Variants in NLGN1 observed in about 807,000 individuals in gnomAD.
NLGN1 encodes neuroligin 1.
In NLGN1, 12 loss-of-function variants were observed where a neutral mutation model predicts 65.5. That is an observed-to-expected ratio of 0.18 (90% CI 0.12 to 0.30). NLGN1 has a LOEUF of 0.30. Ranked by LOEUF, NLGN1 falls within the 10% of genes least tolerant of loss-of-function variation. NLGN1 has a pLI of 1.00. For synonymous variants in NLGN1, 350 were observed against 359.5 expected, an observed-to-expected ratio of 0.97 and a Z score of 0.30; for missense variants, 750 against 1,007.1, an observed-to-expected ratio of 0.74 and a Z score of 3.46.
In NLGN1 at chr3:173,935,593, T is replaced by TACACACAC. The variant is rs769538665; in HGVS notation, c.646+127784_646+127791dup. Among the ~76,000 whole-genome samples, 168 of 142,792 alleles carry TACACACAC rather than the reference T, an allele frequency of 1.2e-3. 1 individual carries two copies. The highest frequency in any genetic ancestry group is 1.8e-3 in the South Asian group (8 of 4,430). 93.7% of individuals were successfully genotyped at this position (142,792 alleles called of 152,430 possible). ...CCATTTGTCATGAGAATATACAGTCTACACACACACACACACACACACACA... is the reference window on the plus strand; with the variant it reads ...CCATTTGTCATGAGAATATACAGTCTACACACACACACACACACACACACACACACACA... On this transcript the variant is annotated intron_variant, in intron 4 of 6. Transcript: ENST00000457714.
At chr3:174,172,052 G>A (rs1056857018) in intron 4 of NLGN1, among the ~76,000 whole-genome samples, 2 of 151,944 alleles carry the variant, frequency 1.3e-5, no homozygotes, top group Non-Finnish European at 2.9e-5. Flanking sequence ...TTTTGTTCAA[G>A]GTTTTCTCTA....
chr3:173,871,017 T>C lies in NLGN1; in HGVS notation c.646+63185T>C, dbSNP rs78887418. On this transcript the variant is annotated intron_variant, in intron 4 of 6. Coordinates refer to ENST00000457714, the Ensembl canonical transcript of NLGN1. Reference sequence around the variant, plus strand: ...CAAGCCATAATTAAGAGCTTGAAACTTTCAGCCCCACTATCCGATTCTCCA... The same window carrying C: ...CAAGCCATAATTAAGAGCTTGAAACCTTCAGCCCCACTATCCGATTCTCCA... 4.3e-3 allele frequency among the ~76,000 whole-genome samples: 653 copies of C among 152,292 alleles called. 7 individuals are homozygous for C. The highest frequency in any genetic ancestry group is 7.5e-3 in the Non-Finnish European group (513 of 68,026).
chr3:173,649,613 A>T (rs1008390566), intron 3 of NLGN1, among the ~76,000 whole-genome samples: 1 of 152,210 alleles, frequency 6.6e-6, no homozygotes, highest in East Asian at 1.9e-4. Context: ...CACCGTGAAA[A>T]CTAGTTCCTA....
intron 3 of NLGN1, among the ~76,000 whole-genome samples, chr3:173,618,585 T>C (rs1201706770): frequency 2.6e-5 from 4 of 152,126 alleles, no homozygotes; most frequent in Non-Finnish European, 5.9e-5. Flanking sequence ...AGTGAGACTA[T>C]ATTATATATT....
intron 4 of NLGN1, among the ~76,000 whole-genome samples, chr3:173,860,314 CATAT>C (rs1728813109): frequency 6.6e-6 from 1 of 151,952 alleles, no homozygotes; most frequent in South Asian, 2.1e-4. Flanking sequence ...TTATTTGACC[CATAT>C]ATTATTTAAA....
At chr3:173,814,924 T>A (rs76341235) in intron 4 of NLGN1, among the ~76,000 whole-genome samples, 5,735 of 152,242 alleles carry the variant, frequency 0.038, 265 homozygotes, top group East Asian at 0.18. Context: ...GCTACTTTAT[T>A]TTAGAAACAC....
intron 2 of NLGN1, among the ~76,000 whole-genome samples, chr3:173,460,518 C>G (rs985040999): frequency 2.6e-5 from 4 of 152,092 alleles, no homozygotes; most frequent in Admixed American, 2.0e-4. Context: ...CATCTAAGTA[C>G]TGTCACAGAG....
intron 2 of NLGN1, among the ~76,000 whole-genome samples, chr3:173,593,802 G>C (rs187303569): frequency 6.6e-6 from 1 of 152,190 alleles, no homozygotes; most frequent in Admixed American, 6.5e-5. Context: ...GTTCCACATG[G>C]CTAGGAAGGC....
At chr3:173,614,029 TAAA>T (rs5854520) in intron 3 of NLGN1, among the ~76,000 whole-genome samples, 7 of 137,526 alleles carry the variant, frequency 5.1e-5, no homozygotes, top group Non-Finnish European at 4.7e-5. Flanking sequence ...TTATTCCACT[TAAA>T]AAAAAAAAAA....
chr3:173,643,039 A>G (rs1757662061), intron 3 of NLGN1, among the ~76,000 whole-genome samples: 1 of 152,216 alleles, frequency 6.6e-6, no homozygotes, highest in South Asian at 2.1e-4. Flanking sequence ...TAAGATGAAA[A>G]ATACATTGAA....
At chr3:173,699,152 G>A (rs1766716565) in intron 3 of NLGN1, among the ~76,000 whole-genome samples, 1 of 152,082 alleles carries the variant, frequency 6.6e-6, no homozygotes, top group Admixed American at 6.6e-5. Flanking sequence ...CACCGCACCT[G>A]GCTCAAGAAG....
intron 4 of NLGN1, among the ~76,000 whole-genome samples, chr3:173,872,827 G>A (rs1421298696): frequency 6.6e-6 from 1 of 151,946 alleles, no homozygotes; most frequent in Non-Finnish European, 1.5e-5. Flanking sequence ...AACACAAAGG[G>A]CTTTCATTTG....
chr3:173,699,135 C>T (rs530885514), intron 3 of NLGN1, among the ~76,000 whole-genome samples: 15 of 152,226 alleles, frequency 9.9e-5, no homozygotes, highest in African/African-American at 2.6e-4. Context: ...GGATTACAAG[C>T]GTGAGCCACC....
At chr3:173,412,616 T>G (rs1712820875) in intron 1 of NLGN1, among the ~76,000 whole-genome samples, 1 of 152,186 alleles carries the variant, frequency 6.6e-6, no homozygotes, top group Non-Finnish European at 1.5e-5. Context: ...TCCAACTTCT[T>G]GGAGGGAAGG....
intron 2 of NLGN1, among the ~76,000 whole-genome samples, chr3:173,441,255 G>T (rs768615659): frequency 6.6e-6 from 1 of 152,124 alleles, no homozygotes. Context: ...GCAATAACGC[G>T]TTGTTTTGCT....
intron 4 of NLGN1, among the ~76,000 whole-genome samples, chr3:174,251,263 G>A (rs1744721017): frequency 6.6e-6 from 1 of 152,148 alleles, no homozygotes; most frequent in Admixed American, 6.5e-5. Flanking sequence ...AAAATTCTTT[G>A]TAAGAAATGG....
chr3:173,879,248 A>G (rs1257513410), intron 4 of NLGN1, among the ~76,000 whole-genome samples: 4 of 150,978 alleles, frequency 2.6e-5, no homozygotes, highest in African/African-American at 9.8e-5. Context: ...AAAAAAAAAG[A>G]AAGAAAGAAA....
chr3:173,677,498 A>G (rs1763332282), intron 3 of NLGN1, among the ~76,000 whole-genome samples: 1 of 152,014 alleles, frequency 6.6e-6, no homozygotes, highest in South Asian at 2.1e-4. Flanking sequence ...TATTGAGGAG[A>G]GAAATAGATT....
At chr3:173,533,650 T>C (rs559730120) in intron 2 of NLGN1, among the ~76,000 whole-genome samples, 48 of 152,198 alleles carry the variant, frequency 3.2e-4, no homozygotes, top group African/African-American at 1.1e-3. Context: ...AAAAATATCC[T>C]TAAGATACAA....
Sources: gnomAD v4.1 joint callset for allele counts (sites outside exome capture counted in the v4.1 genomes callset) on GRCh38, gnomAD v4.1.1 for gene constraint, MANE v1.5 for transcripts, NCBI Gene and HGNC (gene_info 2026-07-23, HGNC 2026-07-21) for gene names.